The following ARHGAP8 variants were observed in gnomAD, a reference collection of about 807,000 sequenced individuals.
ARHGAP8 encodes rho GTPase-activating protein 8.
A neutral mutation model predicts 46.1 loss-of-function variants in ARHGAP8; 62 were observed. That is an observed-to-expected ratio of 1.34 (90% CI 1.10 to 1.66). The LOEUF is 1.66. Among genes scored for constraint, ARHGAP8 ranks in the 40% most tolerant of loss-of-function variants. The pLI is 0.00. For synonymous variants in ARHGAP8, 375 were observed against 243.1 expected (o/e 1.54, Z -5.05); for missense variants, 923 against 568.4 (o/e 1.62, Z -6.34).
chr22:44,819,980 G>A (rs1331802251), intron 5 of ARHGAP8, among the ~76,000 whole-genome samples: 2 of 152,196 alleles, frequency 1.3e-5, no homozygotes, highest in African/African-American at 4.8e-5. Flanking sequence ...CCCAGATTGG[G>A]CTCCGCAGCC....
At chr22:44,808,828 AAC>A in intron 4 of ARHGAP8, 1 of 373,280 alleles carries the variant, frequency 2.7e-6, no homozygotes, top group Non-Finnish European at 5.2e-6. Context: ...AAAAACCAAA[AAC>A]AAAAACAGAG....
At chr22:44,849,540 G>A (rs2147168836) in intron 10 of ARHGAP8, 1 of 165,852 alleles carries the variant, frequency 6.0e-6, no homozygotes, top group East Asian at 1.8e-4. Flanking sequence ...CAAATGCTCA[G>A]TGTGGCTGAG....
chr22:44,788,505 G>C (rs1927441583), intron 2 of ARHGAP8, among the ~76,000 whole-genome samples: 1 of 151,894 alleles, frequency 6.6e-6, no homozygotes, highest in East Asian at 1.9e-4. Flanking sequence ...ACCCTCCCAA[G>C]TGCAAGTCCT....
At chr22:44,786,700 C>A in intron 2 of ARHGAP8, 94 bp downstream of exon 2, 2 of 1,481,802 alleles carry the variant, frequency 1.3e-6, no homozygotes, top group Admixed American at 2.2e-5. Flanking sequence ...GGGGCTGCCT[C>A]ACTGCAGCTG....
At chr22:44,763,113 T>A (rs186692150) in intron 1 of ARHGAP8, among the ~76,000 whole-genome samples, 1 of 152,216 alleles carries the variant, frequency 6.6e-6, no homozygotes, top group African/African-American at 2.4e-5. Context: ...GTTTTCATGC[T>A]GGTTGGGAAG....
At chr22:44,838,285 G>C (rs750563529) in intron 7 of ARHGAP8, among the ~76,000 whole-genome samples, 2 of 152,010 alleles carry the variant, frequency 1.3e-5, no homozygotes, top group Non-Finnish European at 2.9e-5. Context: ...TTACAGGCAC[G>C]TGCCACCACA....
intron 7 of ARHGAP8, among the ~76,000 whole-genome samples, chr22:44,836,135 A>G (rs995556144): frequency 5.9e-5 from 9 of 152,196 alleles, no homozygotes; most frequent in African/African-American, 2.2e-4. Flanking sequence ...GTGAGACTAC[A>G]GGATTCCAGT....
intron 1 of ARHGAP8, among the ~76,000 whole-genome samples, chr22:44,779,267 A>C (rs998096178): frequency 6.6e-6 from 1 of 151,666 alleles, no homozygotes; most frequent in African/African-American, 2.4e-5. Context: ...CGCCTGGCTA[A>C]TTTTTGTATT....
At chr22:44,810,286 G>A (rs948522097) in intron 4 of ARHGAP8, among the ~76,000 whole-genome samples, 3 of 147,634 alleles carry the variant, frequency 2.0e-5, no homozygotes, top group African/African-American at 7.6e-5. Context: ...CTATTGCCTG[G>A]GCTGGAGCAC....
chr22:44,766,638 G>A (rs972430303), intron 1 of ARHGAP8, among the ~76,000 whole-genome samples: 1 of 152,136 alleles, frequency 6.6e-6, no homozygotes, highest in African/African-American at 2.4e-5. Context: ...CCAAGACCCC[G>A]CCTGCCTGTC....
chr22:44,816,698 G>A (rs1016628132), intron 5 of ARHGAP8, among the ~76,000 whole-genome samples: 7 of 151,660 alleles, frequency 4.6e-5, no homozygotes, highest in African/African-American at 9.7e-5. Context: ...CCAGCTACAC[G>A]GGAGGCCAAA....
intron 7 of ARHGAP8, among the ~76,000 whole-genome samples, chr22:44,826,669 A>T (rs2147124719): frequency 6.6e-6 from 1 of 151,764 alleles, no homozygotes; most frequent in East Asian, 1.9e-4. Flanking sequence ...CAAGCGATCC[A>T]CCCCTCTCAG....
chr22:44,860,467 C>T (rs545090820), intron 11 of ARHGAP8, among the ~76,000 whole-genome samples: 10 of 152,120 alleles, frequency 6.6e-5, no homozygotes, highest in Admixed American at 1.3e-4. Flanking sequence ...CCACCTTTCC[C>T]TCCTAAGTGT....
At chr22:44,826,569 C>T (rs914599894) in intron 7 of ARHGAP8, among the ~76,000 whole-genome samples, 7 of 152,150 alleles carry the variant, frequency 4.6e-5, no homozygotes, top group South Asian at 2.1e-4. Context: ...GGATTACAGG[C>T]GCACACCACC....
intron 1 of ARHGAP8, among the ~76,000 whole-genome samples, chr22:44,754,022 G>T (rs1294931805): frequency 6.6e-6 from 1 of 152,230 alleles, no homozygotes; most frequent in Non-Finnish European, 1.5e-5. Flanking sequence ...AGAGTTGGGG[G>T]TAGGGCGAAG....
chr22:44,809,579 G>A (rs998735442), intron 4 of ARHGAP8: 1 of 206,302 alleles, frequency 4.8e-6, no homozygotes, highest in Non-Finnish European at 9.9e-6. Flanking sequence ...CACTCAGCTT[G>A]TGTGTGGTAG....
intron 3 of ARHGAP8, among the ~76,000 whole-genome samples, chr22:44,803,464 T>A (rs1473094398): frequency 6.6e-6 from 1 of 151,860 alleles, no homozygotes; most frequent in Non-Finnish European, 1.5e-5. Context: ...GTGTGGCCTC[T>A]CCCTGTACAT....
At chr22:44,809,561 C>T in intron 4 of ARHGAP8, 1 of 223,110 alleles carries the variant, frequency 4.5e-6, no homozygotes, top group Non-Finnish European at 9.0e-6. Flanking sequence ...AAGTGACTTA[C>T]CCGTGGTCAC....
chr22:44,799,758 C>T (rs1416702724), intron 2 of ARHGAP8, among the ~76,000 whole-genome samples: 2 of 148,888 alleles, frequency 1.3e-5, no homozygotes, highest in South Asian at 4.2e-4. Flanking sequence ...GCGGGGCGGC[C>T]CATCTGTTCT....
Sources: gnomAD v4.1 joint callset for allele counts (sites outside exome capture counted in the v4.1 genomes callset) on GRCh38, gnomAD v4.1.1 for gene constraint, MANE v1.5 for transcripts, NCBI Gene and HGNC (gene_info 2026-07-23, HGNC 2026-07-21) for gene names.